The following IL6ST variants were observed in gnomAD, a reference collection of about 807,000 sequenced individuals.
IL6ST encodes the protein interleukin-6 receptor subunit beta.
A neutral mutation model predicts 91.3 loss-of-function variants in IL6ST; 24 were observed. That is an observed-to-expected ratio of 0.26 (90% confidence interval 0.19 to 0.37). The LOEUF (loss-of-function observed/expected upper bound fraction) is 0.37. Ranked by LOEUF, IL6ST falls within the 10% of genes least tolerant of loss-of-function variation. The pLI is 1.00. For missense variants in IL6ST, 914 were observed against 1,078.5 expected (o/e 0.85, Z 2.14); for synonymous variants, 351 against 373.6 (o/e 0.94, Z 0.70).
Position 55,940,997 on chromosome 5 carries a change from T to G in IL6ST, c.*85A>C. On this transcript the variant is annotated 3_prime_UTR_variant, in exon 17 of 17. Coordinates refer to ENST00000381298, the MANE Select transcript of IL6ST (RefSeq NM_002184.4). ...ATGATCATCTTCAGAGAGTGAAGACTTTTTAAAATCTGAATTCACAGATAA... is the reference window on the plus strand; with the variant it reads ...ATGATCATCTTCAGAGAGTGAAGACGTTTTAAAATCTGAATTCACAGATAA... 11 of 1,377,974 alleles carry G rather than the reference T, an allele frequency of 8.0e-6. No individual in the cohort carries two copies. Among genetic ancestry groups the G allele is most frequent in the Non-Finnish European group, 1.1e-5 (11 of 1,009,716 alleles). 85.4% of individuals were successfully genotyped at this position (1,377,974 alleles called of 1,614,324 possible). A position where few individuals can be genotyped will look rare whatever the true frequency, so the allele number is the denominator to read the frequency against.
intron 7 of IL6ST, among the ~76,000 whole-genome samples, chr5:55,961,540 C>A: frequency 6.6e-6 from 1 of 152,046 alleles, no homozygotes; most frequent in Non-Finnish European, 1.5e-5. Context: ...GGTGGATCAC[C>A]TGAGGTCTGG....
At chr5:55,952,883 G>A (rs568152525) in intron 11 of IL6ST, among the ~76,000 whole-genome samples, 51 of 152,236 alleles carry the variant, frequency 3.4e-4, no homozygotes, top group African/African-American at 1.2e-3. Context: ...CCAACATGGT[G>A]AAACCCCCCT....
intron 5 of IL6ST, among the ~76,000 whole-genome samples, chr5:55,964,749 C>A (rs2111777879): frequency 6.6e-6 from 1 of 152,196 alleles, no homozygotes; most frequent in East Asian, 1.9e-4. Flanking sequence ...GGGCTAAAAT[C>A]TCTTAGCCTC....
At chr5:55,981,988 GCTA>G (rs1425351276) in intron 2 of IL6ST, among the ~76,000 whole-genome samples, 1 of 152,106 alleles carries the variant, frequency 6.6e-6, no homozygotes, top group African/African-American at 2.4e-5. Context: ...AACAAGTATT[GCTA>G]CTTTTAATGT....
At chr5:55,967,635 T>C (rs926381997) in intron 5 of IL6ST, among the ~76,000 whole-genome samples, 3 of 152,056 alleles carry the variant, frequency 2.0e-5, no homozygotes, top group Admixed American at 6.6e-5. Flanking sequence ...TAGAGACGCA[T>C]ACTGAAATAT....
intron 14 of IL6ST, among the ~76,000 whole-genome samples, chr5:55,949,937 A>G (rs1751519402): frequency 6.6e-6 from 1 of 152,168 alleles, no homozygotes; most frequent in Admixed American, 6.5e-5. Context: ...AATGTTGGTT[A>G]AGTTTGCTTT....
At chr5:55,962,757 C>T (rs573213485) in intron 7 of IL6ST, among the ~76,000 whole-genome samples, 112 of 152,226 alleles carry the variant, frequency 7.4e-4, no homozygotes, top group Non-Finnish European at 2.4e-4. Flanking sequence ...CTTATAATCT[C>T]TTTATTTTTG....
chr5:55,965,832 AG>A (rs1384339111), intron 5 of IL6ST, among the ~76,000 whole-genome samples: 4,696 of 150,792 alleles, frequency 0.031, 147 homozygotes, highest in African/African-American at 0.08. Context: ...AAAAAAAAAA[AG>A]GATGAATGAG....
intron 8 of IL6ST, chr5:55,959,738 T>C (rs1752195181): frequency 1.4e-6 from 1 of 715,640 alleles, no homozygotes; most frequent in Admixed American, 2.5e-5. Context: ...ATCTAAGGTG[T>C]AGTTTGCTAG....
chr5:55,992,372 CTGAAGCCAGGCTGTCTA>C (rs1427552704), intron 1 of IL6ST, among the ~76,000 whole-genome samples: 1 of 152,202 alleles, frequency 6.6e-6, no homozygotes, highest in Admixed American at 6.5e-5. Context: ...AGGTCAGATT[CTGAAGCCAGGCTGTCTA>C]TGTATGACCT....
intron 3 of IL6ST, among the ~76,000 whole-genome samples, chr5:55,975,800 T>TA (rs1753253967): frequency 6.6e-6 from 1 of 151,792 alleles, no homozygotes; most frequent in Non-Finnish European, 1.5e-5. Context: ...GACAAGGACT[T>TA]ACAGACACAG....
chr5:55,980,584 C>G (rs1753600531), intron 2 of IL6ST, among the ~76,000 whole-genome samples: 1 of 152,052 alleles, frequency 6.6e-6, no homozygotes, highest in South Asian at 2.1e-4. Context: ...ACTTAAGGTT[C>G]AAACTATTGG....
At position 55,956,097 on chromosome 5, in the gene IL6ST, T is replaced by C. The variant is rs770148992; in HGVS notation, c.1195A>G (p.Thr399Ala). 2.5e-6 allele frequency: 4 copies of C among 1,613,660 alleles called. No homozygotes were observed. The highest frequency in any genetic ancestry group is 4.5e-5 in the East Asian group (2 of 44,874). Residue 399 changes from threonine to alanine, a missense_variant, in exon 10 of 17, where the codon ACC becomes GCC. By Grantham distance (58) the Thr-to-Ala change is moderately conservative (BLOSUM62 0). Transcript: ENST00000381298. Reference protein sequence around the residue: ...VNLTNDRYLATLTVRNLVGKS... With the variant: ...VNLTNDRYLAALTVRNLVGKS... ...CCAACAAGATTTCTTACTGTTAGGG[T>C]TGCTAGATAGCGATCATTTGTGAGA...
In IL6ST at chr5:55,960,573, C is replaced by CA. The variant is rs747499099; in HGVS notation, c.814-13dup. 1 of 1,601,250 alleles carries CA rather than the reference C, an allele frequency of 6.2e-7. No individual in the cohort carries two copies. Among genetic ancestry groups the CA allele is most frequent in the Admixed American group, 1.8e-5 (1 of 56,408 alleles). On this transcript the variant is annotated splice_polypyrimidine_tract_variant and intron_variant, in intron 7 of 16. Coordinates refer to ENST00000381298, the MANE Select transcript of IL6ST (RefSeq NM_002184.4). ...TCTTCAGGAGGAATCTGAAACAAAG[C>CA]AAACCAAACAACAGAAAACCTCAAT...
intron 2 of IL6ST, among the ~76,000 whole-genome samples, chr5:55,979,064 T>A (rs189248606): frequency 3.9e-5 from 6 of 152,246 alleles, no homozygotes; most frequent in Admixed American, 1.3e-4. Flanking sequence ...GATACATGCA[T>A]CATGGATGAA....
Position 55,954,922 on chromosome 5 carries a change from T to G in IL6ST, c.1338A>C (p.Pro446=), listed in dbSNP as rs755946578. 1.2e-6 allele frequency: 2 copies of G among 1,613,266 alleles called. No individual in the cohort carries two copies. The highest frequency in any genetic ancestry group is 4.5e-5 in the East Asian group (2 of 44,862). The stretch of plus-strand genomic sequence containing the variant: ...GTATATATTTCTTTACAGATTCCCT[T>G]GGAGTAGTCCATTCCACCCAAAGCA... ...DNMLWVEWTT[P]RESVKKYILE... is the part of the protein sequence containing the mutation. Residue 446 remains proline (P), a synonymous_variant, in exon 11 of 17, where the codon CCA becomes CCC. Transcript: ENST00000381298.
intron 1 of IL6ST, among the ~76,000 whole-genome samples, chr5:55,984,519 G>C (rs1338937465): frequency 6.6e-6 from 1 of 152,138 alleles, no homozygotes; most frequent in Admixed American, 6.5e-5. Flanking sequence ...GTAAGCTAAG[G>C]AATCTCAACG....
At chr5:55,957,010 T>C (rs1162024746) in intron 9 of IL6ST, among the ~76,000 whole-genome samples, 199 bp downstream of exon 9, 3 of 151,944 alleles carry the variant, frequency 2.0e-5, no homozygotes, top group East Asian at 3.9e-4. Context: ...ATACAAAAAT[T>C]AGCGGGGCGT....
At chr5:55,976,116 T>C (rs1753273199) in intron 3 of IL6ST, 99 bp downstream of exon 3, 1 of 489,234 alleles carries the variant, frequency 2.0e-6, no homozygotes. Context: ...AAAGAATATA[T>C]GAACATAATA....
Sources: allele counts gnomAD v4.1 joint callset (sites outside exome capture counted in the v4.1 genomes callset), GRCh38; gene constraint gnomAD v4.1.1; transcripts MANE v1.5; gene names NCBI Gene and HGNC (gene_info 2026-07-23, HGNC 2026-07-21).